GSE1: variants seen among roughly 807,000 people sequenced by gnomAD.
GSE1 encodes Gse1 coiled-coil protein, also known as genetic suppressor element 1.
Under a neutral mutation model 112.6 loss-of-function variants are expected in GSE1, and 32 were observed. That is an observed-to-expected ratio of 0.28 (90% CI 0.21 to 0.38). GSE1 has a LOEUF of 0.38. Ranked by LOEUF, GSE1 falls within the 10% of genes least tolerant of loss-of-function variation. The pLI is 1.00. For missense variants in GSE1, 2,348 were observed against 1,699.2 expected, an observed-to-expected ratio of 1.38 and a Z score of -6.71; for synonymous variants, 1,115 against 735.6, an observed-to-expected ratio of 1.52 and a Z score of -8.35.
chr16:85,202,797 G>C (rs1344639188), intron 1 of GSE1, among the ~76,000 whole-genome samples: 2 of 152,204 alleles, frequency 1.3e-5, no homozygotes, highest in African/African-American at 2.4e-5. Context: ...GTGCTTCCAG[G>C]CCCAGCGTGG....
At chr16:85,246,333 C>A (rs113590765) in intron 1 of GSE1, among the ~76,000 whole-genome samples, 2,058 of 31,484 alleles carry the variant, frequency 0.065, 162 homozygotes, top group African/African-American at 0.2. Flanking sequence ...ACACACACAC[C>A]CCCCACACGC....
At chr16:85,278,549 A>G (rs1454214490) in intron 1 of GSE1, among the ~76,000 whole-genome samples, 1 of 152,212 alleles carries the variant, frequency 6.6e-6, no homozygotes, top group Non-Finnish European at 1.5e-5. Flanking sequence ...TTTCAGGGGT[A>G]TATTTTTACC....
intron 1 of GSE1, among the ~76,000 whole-genome samples, chr16:85,615,415 G>T (rs1236275724): frequency 6.6e-6 from 1 of 152,208 alleles, no homozygotes; most frequent in Non-Finnish European, 1.5e-5. Context: ...CCTGCGGGCC[G>T]GGTGCGAGGA....
chr16:85,466,371 C>A (rs942950589), intron 2 of GSE1, among the ~76,000 whole-genome samples: 19 of 152,198 alleles, frequency 1.2e-4, no homozygotes, highest in African/African-American at 4.3e-4. Context: ...TGGGCAGGGG[C>A]TGTGTGAACC....
chr16:85,569,715 C>T (rs969827078), intron 1 of GSE1, among the ~76,000 whole-genome samples: 4 of 152,218 alleles, frequency 2.6e-5, no homozygotes, highest in African/African-American at 4.8e-5. Flanking sequence ...TCTCGTGTTA[C>T]GTGTGTTTTC....
At chr16:85,341,909 C>T (rs2046631632) in intron 1 of GSE1, among the ~76,000 whole-genome samples, 1 of 152,116 alleles carries the variant, frequency 6.6e-6, no homozygotes, top group Non-Finnish European at 1.5e-5. Context: ...GCTAACGAGC[C>T]AATGGCCTCA....
At chr16:85,469,927 G>C (rs1248024851) in intron 2 of GSE1, among the ~76,000 whole-genome samples, 2 of 152,220 alleles carry the variant, frequency 1.3e-5, no homozygotes, top group Non-Finnish European at 2.9e-5. Context: ...ACCAGGCACG[G>C]GGTACCCCAG....
intron 1 of GSE1, among the ~76,000 whole-genome samples, chr16:85,625,924 T>G (rs1329111610): frequency 6.6e-6 from 1 of 152,170 alleles, no homozygotes; most frequent in Non-Finnish European, 1.5e-5. Flanking sequence ...TCTTTCCTCC[T>G]GGGGTAGGGA....
chr16:85,479,529 C>G (rs1168149354), intron 2 of GSE1, among the ~76,000 whole-genome samples: 1 of 152,054 alleles, frequency 6.6e-6, no homozygotes, highest in South Asian at 2.1e-4. Flanking sequence ...GTCTCAAGCT[C>G]CTGACTTCAG....
chr16:85,591,107 G>A (rs1442471691), intron 1 of GSE1, among the ~76,000 whole-genome samples: 1 of 152,218 alleles, frequency 6.6e-6, no homozygotes, highest in East Asian at 1.9e-4. Flanking sequence ...AGGCCATCGG[G>A]ACTTACAGAC....
At chr16:85,641,825 CGGCTTCCTGT>C (rs1428347899) in intron 2 of GSE1, among the ~76,000 whole-genome samples, 2 of 152,254 alleles carry the variant, frequency 1.3e-5, no homozygotes, top group Admixed American at 6.5e-5. Flanking sequence ...CACTGGCTGG[CGGCTTCCTGT>C]GGCTCCCGTG....
At chr16:85,452,164 C>T (rs2049704719) in intron 2 of GSE1, among the ~76,000 whole-genome samples, 1 of 152,222 alleles carries the variant, frequency 6.6e-6, no homozygotes. Flanking sequence ...AGCCGTTTGC[C>T]ACCCTGGCCT....
chr16:85,413,953 G>A (rs1164408013), intron 2 of GSE1, among the ~76,000 whole-genome samples: 1 of 152,160 alleles, frequency 6.6e-6, no homozygotes, highest in Non-Finnish European at 1.5e-5. Context: ...CCTTCCTGCT[G>A]TCTTGTGAAG....
intron 11 of GSE1, 25 bp from the exon 12 acceptor site, chr16:85,664,990 T>C: frequency 7.1e-7 from 1 of 1,416,720 alleles, no homozygotes. Flanking sequence ...ACTGGCTCGT[T>C]AATCTCAGGC....
chr16:85,422,077 G>T (rs946809929), intron 2 of GSE1, among the ~76,000 whole-genome samples: 4 of 152,112 alleles, frequency 2.6e-5, no homozygotes, highest in African/African-American at 9.7e-5. Flanking sequence ...GCATGGAAAA[G>T]CTGCACCTCT....
chr16:85,496,808 C>A (rs1350967643), intron 2 of GSE1, among the ~76,000 whole-genome samples: 2 of 152,154 alleles, frequency 1.3e-5, no homozygotes, highest in Non-Finnish European at 2.9e-5. Context: ...GTAAAGTGCC[C>A]CTCACCTGCT....
At chr16:85,550,940 C>G (rs923215199) in intron 2 of GSE1, among the ~76,000 whole-genome samples, 3 of 152,248 alleles carry the variant, frequency 2.0e-5, no homozygotes, top group African/African-American at 7.2e-5. Flanking sequence ...GCAGTTTTCT[C>G]TCTTTTTCTG....
intron 1 of GSE1, among the ~76,000 whole-genome samples, chr16:85,563,424 G>A (rs572995251): frequency 1.2e-3 from 183 of 152,310 alleles, no homozygotes; most frequent in African/African-American, 3.6e-3. Flanking sequence ...CAGGCCCTCC[G>A]CAGCTGGGGT....
intron 1 of GSE1, among the ~76,000 whole-genome samples, chr16:85,338,194 C>T (rs1206495514): frequency 6.6e-6 from 1 of 152,240 alleles, no homozygotes; most frequent in Non-Finnish European, 1.5e-5. Context: ...GCTTCATCCT[C>T]CTTTCTCATC....
Sources: allele counts gnomAD v4.1 joint callset (sites outside exome capture counted in the v4.1 genomes callset), GRCh38; gene constraint gnomAD v4.1.1; transcripts MANE v1.5; gene names NCBI Gene and HGNC (gene_info 2026-07-23, HGNC 2026-07-21).